Variants in ZNF730 observed in about 807,000 individuals in gnomAD.
ZNF730 encodes putative zinc finger protein 730.
A neutral mutation model predicts 12.6 loss-of-function variants in ZNF730; 12 were observed. That is an observed-to-expected ratio of 0.95 (90% CI 0.61 to 1.54). ZNF730 has a LOEUF of 1.54. ZNF730 is among the 40% of genes most tolerant of loss of function. ZNF730 has a pLI of 0.00. For missense variants in ZNF730, 643 were observed against 583.5 expected (o/e 1.10, Z -1.05); for synonymous variants, 194 against 195.8 (o/e 0.99, Z 0.08).
At chr19:23,079,122 A>T (rs1266557124) in intron 1 of ZNF730, among the ~76,000 whole-genome samples, 1 of 151,390 alleles carries the variant, frequency 6.6e-6, no homozygotes, top group Non-Finnish European at 1.5e-5. Context: ...ATGTATTTTT[A>T]ATCAATGTTG....
Position 23,145,670 on chromosome 19 carries a change from C to A in ZNF730, c.626C>A (p.Ala209Asp). 1 of 1,556,660 alleles carries A rather than the reference C, an allele frequency of 6.4e-7. No individual in the cohort carries two copies. Among genetic ancestry groups the A allele is most frequent in the Non-Finnish European group, 8.7e-7 (1 of 1,151,788 alleles). Residue 209 changes from alanine (A) to aspartate (D), a missense_variant, in exon 4 of 4, where the codon GCC (alanine) becomes GAC (aspartate). Transcript: ENST00000597761. Reference sequence around the variant, plus strand: ...TACAAATGTGAAGAATATGGCAAAGCCTTTAATGAGTCCTCAAACTGTACT... The same window carrying A: ...TACAAATGTGAAGAATATGGCAAAGACTTTAATGAGTCCTCAAACTGTACT... ...KSYKCEEYGKAFNESSNCTTH... is the reference protein window; with the variant it reads ...KSYKCEEYGKDFNESSNCTTH...
At chr19:23,135,638 G>A (rs1209482117) in intron 2 of ZNF730, among the ~76,000 whole-genome samples, 3 of 151,984 alleles carry the variant, frequency 2.0e-5, no homozygotes, top group Non-Finnish European at 4.4e-5. Flanking sequence ...GGCCTCTTGA[G>A]TAGCTGGGAC....
rs749105871 is a variant in ZNF730, at chr19:23,146,369, A to C, written c.1325A>C (p.His442Pro). The change falls in exon 4 of 4, where the codon CAT (histidine) becomes CCT (proline). Residue 442 changes from histidine (H) to proline (P), a missense_variant. His to Pro is a moderately conservative substitution (Grantham distance 77). Coordinates refer to ENST00000597761, the MANE Select transcript of ZNF730 (RefSeq NM_001277403.2). ...AFNQSSTLTT[H>P]KRIHTGEKPY... ...AACCAGTCCTCAACCCTTACTACACATAAAAGAATTCATACTGGAGAGAAA... is the reference window on the plus strand; with the variant it reads ...AACCAGTCCTCAACCCTTACTACACCTAAAAGAATTCATACTGGAGAGAAA... 6.2e-7 allele frequency: 1 copy of C among 1,613,452 alleles called. No homozygotes were observed. Among genetic ancestry groups the C allele is most frequent in the Middle Eastern group, 1.6e-4 (1 of 6,080 alleles).
intron 1 of ZNF730, among the ~76,000 whole-genome samples, chr19:23,087,040 T>C (rs905164114): frequency 6.6e-6 from 1 of 152,190 alleles, no homozygotes; most frequent in African/African-American, 2.4e-5. Context: ...ATTTTATCTT[T>C]TTTGTGGCAA....
intron 1 of ZNF730, among the ~76,000 whole-genome samples, chr19:23,079,400 C>T (rs1022878744): frequency 3.9e-5 from 6 of 152,050 alleles, no homozygotes; most frequent in East Asian, 1.9e-4. Flanking sequence ...TCAGGTGATC[C>T]GCCCGCCTTG....
chr19:23,094,427 A>G (rs893216493), intron 1 of ZNF730, among the ~76,000 whole-genome samples: 1 of 151,446 alleles, frequency 6.6e-6, no homozygotes, highest in African/African-American at 2.4e-5. Context: ...CACTCTATAG[A>G]TAGGTAGGTA....
chr19:23,141,041 T>C (rs531021709), intron 3 of ZNF730, among the ~76,000 whole-genome samples: 1 of 152,062 alleles, frequency 6.6e-6, no homozygotes, highest in Admixed American at 6.6e-5. Context: ...GGCAAAAGGA[T>C]CGCTTGAGCC....
intron 3 of ZNF730, among the ~76,000 whole-genome samples, chr19:23,138,468 G>A (rs1171977187): frequency 6.6e-6 from 1 of 152,144 alleles, no homozygotes; most frequent in Non-Finnish European, 1.5e-5. Flanking sequence ...TTGTCTGTGT[G>A]GCTATAAATG....
chr19:23,137,533 TCTTA>T (rs1970851989), intron 3 of ZNF730, among the ~76,000 whole-genome samples: 1 of 152,240 alleles, frequency 6.6e-6, no homozygotes, highest in Admixed American at 6.5e-5. Flanking sequence ...ACCAGCAGCT[TCTTA>T]CTTGTCTTCA....
At chr19:23,122,247 T>C (rs1347956636) in intron 1 of ZNF730, among the ~76,000 whole-genome samples, 2 of 151,796 alleles carry the variant, frequency 1.3e-5, no homozygotes, top group Admixed American at 1.3e-4. Flanking sequence ...TTCAAATGAT[T>C]TTCCTGCCTC....
chr19:23,107,271 C>T (rs1314737446), intron 1 of ZNF730, among the ~76,000 whole-genome samples: 1 of 151,148 alleles, frequency 6.6e-6, no homozygotes, highest in Non-Finnish European at 1.5e-5. Flanking sequence ...CCATGTTGGC[C>T]AGGCTGGTCT....
At chr19:23,097,825 C>T (rs1970277748) in intron 1 of ZNF730, among the ~76,000 whole-genome samples, 1 of 152,132 alleles carries the variant, frequency 6.6e-6, no homozygotes, top group Non-Finnish European at 1.5e-5. Context: ...GACTCTTCTC[C>T]ACCGCTTGGA....
chr19:23,142,656 C>A (rs544859460), intron 3 of ZNF730, among the ~76,000 whole-genome samples: 111 of 134,846 alleles, frequency 8.2e-4, no homozygotes, highest in Non-Finnish European at 7.5e-4. Context: ...CCGCTGCACT[C>A]CAGCCTGGGT....
chr19:23,104,821 G>A (rs751969112), intron 1 of ZNF730, among the ~76,000 whole-genome samples: 10 of 152,118 alleles, frequency 6.6e-5, no homozygotes, highest in East Asian at 5.8e-4. Flanking sequence ...TCTGTACAGC[G>A]TTCCTGACCT....
chr19:23,092,055 G>T (rs1289965932), intron 1 of ZNF730, among the ~76,000 whole-genome samples: 1 of 152,056 alleles, frequency 6.6e-6, no homozygotes, highest in African/African-American at 2.4e-5. Context: ...GAATCATGAG[G>T]GCTGTTCTTT....
intron 1 of ZNF730, among the ~76,000 whole-genome samples, chr19:23,117,549 C>T (rs545615644): frequency 2.0e-5 from 3 of 152,306 alleles, no homozygotes; most frequent in African/African-American, 4.8e-5. Flanking sequence ...GTTCCCAATT[C>T]CTCTTTCCTT....
chr19:23,108,931 G>A (rs899842679), intron 1 of ZNF730, among the ~76,000 whole-genome samples: 1 of 151,952 alleles, frequency 6.6e-6, no homozygotes, highest in East Asian at 2.0e-4. Context: ...TGTATTTTTA[G>A]TAGAGACGGG....
intron 1 of ZNF730, among the ~76,000 whole-genome samples, chr19:23,128,817 A>G (rs1309019988): frequency 6.6e-6 from 1 of 152,212 alleles, no homozygotes; most frequent in African/African-American, 2.4e-5. Context: ...TCTTCTCTGC[A>G]GCCCCTTCCA....
intron 1 of ZNF730, among the ~76,000 whole-genome samples, chr19:23,086,806 TA>T (rs1264499130): frequency 1.3e-5 from 2 of 152,240 alleles, no homozygotes; most frequent in African/African-American, 4.8e-5. Flanking sequence ...AATTTTAAAA[TA>T]ATTTTTTTCT....
Sources: gnomAD v4.1 joint callset for allele counts (sites outside exome capture counted in the v4.1 genomes callset) on GRCh38, gnomAD v4.1.1 for gene constraint, MANE v1.5 for transcripts, NCBI Gene and HGNC (gene_info 2026-07-23, HGNC 2026-07-21) for gene names.